Variants in SEMA3C observed in about 807,000 individuals in gnomAD.
The protein encoded by SEMA3C is semaphorin-3C.
Under a neutral mutation model 89.4 loss-of-function variants are expected in SEMA3C, and 47 were observed. The ratio of observed to expected loss-of-function variants is 0.53; its 90% CI spans 0.42 to 0.67. The LOEUF (loss-of-function observed/expected upper bound fraction) is 0.67. Among genes scored for constraint, SEMA3C ranks in the 30% least tolerant of loss-of-function variants. SEMA3C has a pLI of 0.00. For missense variants in SEMA3C, 839 were observed against 929.1 expected, an observed-to-expected ratio of 0.90 and a Z score of 1.26; for synonymous variants, 310 against 320.2, an observed-to-expected ratio of 0.97 and a Z score of 0.34.
At chr7:80,800,147 C>A (rs1789166267) in intron 10 of SEMA3C, among the ~76,000 whole-genome samples, 1 of 134,718 alleles carries the variant, frequency 7.4e-6, no homozygotes. Flanking sequence ...AGCGAGACTC[C>A]ATCTCAAAAA....
intron 2 of SEMA3C, among the ~76,000 whole-genome samples, chr7:80,829,782 T>C (rs902522843): frequency 6.6e-6 from 1 of 152,168 alleles, no homozygotes; most frequent in South Asian, 2.1e-4. Context: ...CTGGTCAAAA[T>C]GCTCCTCTCA....
chr7:80,802,846 C>T (rs919446942), intron 8 of SEMA3C, 67 bp from the exon 9 acceptor site: 1 of 1,161,032 alleles, frequency 8.6e-7, no homozygotes, highest in Admixed American at 1.8e-5. Flanking sequence ...AAAAATTCGA[C>T]TTGTACTCTA....
intron 2 of SEMA3C, among the ~76,000 whole-genome samples, chr7:80,871,076 G>C (rs1265365316): frequency 6.6e-6 from 1 of 152,140 alleles, no homozygotes; most frequent in Non-Finnish European, 1.5e-5. Flanking sequence ...TTACTAATGA[G>C]CTAAATTGTG....
At chr7:80,769,129 A>G (rs1788370998) in intron 12 of SEMA3C, among the ~76,000 whole-genome samples, 2 of 152,212 alleles carry the variant, frequency 1.3e-5, no homozygotes, top group South Asian at 4.1e-4. Context: ...TATTTTGATA[A>G]AGATATACAA....
At chr7:80,846,423 C>T (rs898155774) in intron 2 of SEMA3C, among the ~76,000 whole-genome samples, 11 of 152,192 alleles carry the variant, frequency 7.2e-5, no homozygotes, top group African/African-American at 2.7e-4. Flanking sequence ...GTTGCACGAT[C>T]ACAGTTCACT....
chr7:80,755,919 GA>G (rs1356186000), intron 15 of SEMA3C, among the ~76,000 whole-genome samples: 2 of 152,090 alleles, frequency 1.3e-5, no homozygotes, highest in African/African-American at 4.8e-5. Flanking sequence ...GACATCAAAA[GA>G]AGTCAGGGAC....
intron 11 of SEMA3C, among the ~76,000 whole-genome samples, chr7:80,797,176 T>A (rs1789085136): frequency 6.6e-6 from 1 of 152,118 alleles, no homozygotes; most frequent in Non-Finnish European, 1.5e-5. Context: ...TACAGAGATA[T>A]AAGATTATAT....
intron 2 of SEMA3C, among the ~76,000 whole-genome samples, chr7:80,867,572 T>C (rs1468350335): frequency 6.6e-6 from 1 of 152,200 alleles, no homozygotes; most frequent in Non-Finnish European, 1.5e-5. Context: ...TTGTCCTAGA[T>C]GCTCAGTGAA....
intron 2 of SEMA3C, among the ~76,000 whole-genome samples, chr7:80,861,994 T>G (rs1007753418): frequency 2.0e-5 from 3 of 151,994 alleles, no homozygotes; most frequent in Non-Finnish European, 4.4e-5. Context: ...TAACACTGAA[T>G]GGGGAAAAGC....
intron 3 of SEMA3C, among the ~76,000 whole-genome samples, chr7:80,828,111 T>G (rs1789920158): frequency 6.6e-6 from 1 of 152,150 alleles, no homozygotes; most frequent in South Asian, 2.1e-4. Context: ...TGTAATAAAT[T>G]TATAATTAAT....
At position 80,827,430 on chromosome 7, in the gene SEMA3C, G is replaced by C. The variant is rs762160616; in HGVS notation, c.322C>G (p.Pro108Ala). ...TTTTTTTTTTTAACACTTACTGTGGGATCTTTGCCAGCCATTTTGCATTCT... is the reference window on the plus strand; with the variant it reads ...TTTTTTTTTTTAACACTTACTGTGGCATCTTTGCCAGCCATTTTGCATTCT... The part of the protein sequence containing the change: ...VEECKMAGKD[P>A]THGCGNFVRV... Residue 108 changes from proline to alanine, a missense_variant, in exon 4 of 18, where the codon CCC becomes GCC. Pro to Ala is a conservative substitution (Grantham distance 27, BLOSUM62 -1). Transcript: ENST00000265361. 11 of 1,557,244 alleles carry C rather than the reference G, an allele frequency of 7.1e-6. No homozygotes were observed. The East Asian group carries it at 2.6e-4, about 36-fold the overall frequency.
In SEMA3C at chr7:80,890,833, T is replaced by C. The variant is rs79802148; in HGVS notation, c.103+25846A>G. Among the ~76,000 whole-genome samples, 1,379 of 152,348 alleles carry C rather than the reference T, an allele frequency of 9.1e-3. 14 individuals are homozygous for C. Among genetic ancestry groups the C allele is most frequent in the African/African-American group, 0.031 (1,293 of 41,578 alleles). On this transcript the variant is annotated intron_variant, in intron 2 of 17. Transcript: ENST00000265361. Reference sequence around the variant, plus strand: ...TCAAATGTGCTGTGCCTTAAACTGATGCATCATCTGGCTACAAAGCCAGTA... The same window carrying C: ...TCAAATGTGCTGTGCCTTAAACTGACGCATCATCTGGCTACAAAGCCAGTA...
chr7:80,843,127 A>G (rs971727903), intron 2 of SEMA3C, among the ~76,000 whole-genome samples: 4 of 152,148 alleles, frequency 2.6e-5, no homozygotes, highest in African/African-American at 9.6e-5. Flanking sequence ...ATAAGTTCTA[A>G]TGCTCTATAG....
intron 2 of SEMA3C, among the ~76,000 whole-genome samples, chr7:80,873,574 C>T (rs933181881): frequency 4.6e-5 from 7 of 152,056 alleles, no homozygotes; most frequent in African/African-American, 1.7e-4. Context: ...TAGAGGAAGC[C>T]GTAGTCTCCA....
At chr7:80,811,763 G>A (rs1262285277) in intron 5 of SEMA3C, among the ~76,000 whole-genome samples, 2 of 152,166 alleles carry the variant, frequency 1.3e-5, no homozygotes, top group Non-Finnish European at 2.9e-5. Flanking sequence ...AACAGGCACT[G>A]CATTCAGGAA....
At chr7:80,768,944 C>T (rs1322052763) in intron 12 of SEMA3C, among the ~76,000 whole-genome samples, 2 of 152,106 alleles carry the variant, frequency 1.3e-5, no homozygotes, top group Non-Finnish European at 2.9e-5. Context: ...TCATAGAAAG[C>T]ATTTTTTTAA....
At chr7:80,897,592 T>C (rs958933826) in intron 2 of SEMA3C, among the ~76,000 whole-genome samples, 3 of 152,068 alleles carry the variant, frequency 2.0e-5, no homozygotes, top group South Asian at 4.1e-4. Flanking sequence ...CGAAGAGGGA[T>C]AGTAGAAATA....
chr7:80,820,633 CTTTATT>C lies in SEMA3C; in HGVS notation c.328-2221_328-2216del, dbSNP rs1432481782. On this transcript the variant is annotated intron_variant, in intron 4 of 17. Transcript: ENST00000265361. ...TAATCCTTATAGACCAGACCATACA[CTTTATT>C]TTTAAGACATTAAGGATTTTTGTTA... Among the ~76,000 whole-genome samples, 4 of 152,228 alleles carry C rather than the reference CTTTATT, an allele frequency of 2.6e-5. No individual in the cohort carries two copies. The East Asian group carries it at 5.8e-4, about 22-fold the overall frequency.
intron 2 of SEMA3C, among the ~76,000 whole-genome samples, chr7:80,872,204 G>A (rs1791075094): frequency 6.6e-6 from 1 of 152,104 alleles, no homozygotes; most frequent in African/African-American, 2.4e-5. Context: ...AGGCTGGAGT[G>A]CAGTGGCGCA....
Sources: allele counts gnomAD v4.1 joint callset (sites outside exome capture counted in the v4.1 genomes callset), GRCh38; gene constraint gnomAD v4.1.1; transcripts MANE v1.5; gene names NCBI Gene and HGNC (gene_info 2026-07-23, HGNC 2026-07-21).